PAK3: variants seen among roughly 807,000 people sequenced by gnomAD.
PAK3 encodes serine/threonine-protein kinase PAK 3.
A neutral mutation model predicts 41.0 loss-of-function variants in PAK3; 4 were observed. The ratio of observed to expected loss-of-function variants is 0.10; its 90% confidence interval spans 0.05 to 0.22. The LOEUF (loss-of-function observed/expected upper bound fraction) is 0.22. Ranked by LOEUF, PAK3 falls within the 10% of genes least tolerant of loss-of-function variation. PAK3 has a pLI of 1.00. For missense variants in PAK3, 205 were observed against 409.9 expected, an observed-to-expected ratio of 0.50 and a Z score of 4.32; for synonymous variants, 146 against 139.6, an observed-to-expected ratio of 1.05 and a Z score of -0.32.
intron 11 of PAK3, among the ~76,000 whole-genome samples, chrX:111,176,965 C>A (rs868420267): frequency 3.1e-4 from 28 of 89,593 alleles, no homozygotes; most frequent in South Asian, 1.2e-3. Flanking sequence ...CTTTCTGGAC[C>A]AAAAAAAAAA....
chrX:111,006,666 A>G (rs1162482791), intron 1 of PAK3, among the ~76,000 whole-genome samples: 1 of 111,267 alleles, frequency 9.0e-6, no homozygotes, highest in Non-Finnish European at 1.9e-5. Context: ...CCTGCTATAG[A>G]TAGGTGAGAC....
At chrX:111,213,403 A>G (rs1296244613) in intron 16 of PAK3, among the ~76,000 whole-genome samples, 1 of 112,294 alleles carries the variant, frequency 8.9e-6, no homozygotes, top group Non-Finnish European at 1.9e-5. Flanking sequence ...TTTTGGATTC[A>G]TAAATGGAAT....
chrX:111,009,084 T>C (rs1317600203), intron 1 of PAK3, among the ~76,000 whole-genome samples: 1 of 111,164 alleles, frequency 9.0e-6, no homozygotes, highest in Non-Finnish European at 1.9e-5. Context: ...CATGAAGAAT[T>C]CAGTGACATT....
At chrX:111,188,300 C>G (rs2094531092) in intron 11 of PAK3, among the ~76,000 whole-genome samples, 1 of 110,094 alleles carries the variant, frequency 9.1e-6, no homozygotes, top group Non-Finnish European at 1.9e-5. Context: ...TTTTAGCCCT[C>G]AGGACAGTGG....
chrX:111,205,605 A>G (rs1370134874), intron 16 of PAK3, among the ~76,000 whole-genome samples: 1 of 111,282 alleles, frequency 9.0e-6, no homozygotes, highest in Non-Finnish European at 1.9e-5. Flanking sequence ...TGTATATGAG[A>G]CTTGGTAACT....
intron 13 of PAK3, among the ~76,000 whole-genome samples, chrX:111,193,724 C>T (rs770739939): frequency 9.2e-6 from 1 of 109,157 alleles, no homozygotes; most frequent in Non-Finnish European, 1.9e-5. Flanking sequence ...AACCTAAAGT[C>T]ATTCTGTGTT....
intron 6 of PAK3, among the ~76,000 whole-genome samples, chrX:111,145,771 T>C (rs761014296): frequency 8.9e-6 from 1 of 112,171 alleles, no homozygotes; most frequent in South Asian, 3.7e-4. Flanking sequence ...GCTGTTACCT[T>C]ATATCTTGTC....
At chrX:111,205,357 T>A (rs1017265762) in intron 16 of PAK3, among the ~76,000 whole-genome samples, 1 of 110,992 alleles carries the variant, frequency 9.0e-6, no homozygotes, top group Non-Finnish European at 1.9e-5. Flanking sequence ...AGTCCCTTAC[T>A]CTGATTCTGT....
chrX:111,027,468 C>T (rs1005669860), intron 1 of PAK3, among the ~76,000 whole-genome samples: 1 of 111,034 alleles, frequency 9.0e-6, no homozygotes, highest in East Asian at 2.8e-4. Context: ...AACAAATCAG[C>T]GAGAAAAAAA....
intron 1 of PAK3, among the ~76,000 whole-genome samples, chrX:111,029,555 A>G (rs2092316643): frequency 8.9e-6 from 1 of 112,017 alleles, no homozygotes; most frequent in South Asian, 3.8e-4. Context: ...GTCATGAGGA[A>G]GAGAAAATAC....
Position 111,081,638 on chromosome X carries a change from G to A in PAK3, c.-27-41439G>A, listed in dbSNP as rs187303016. ...AAAAAAGATAAGCATATGAGGTAAT[G>A]CATATTTTAATTAGGTCAGTTTAGC... On this transcript the variant is annotated intron_variant, in intron 1 of 14. Coordinates refer to the PAK3 transcript ENST00000425146. 1.3e-4 allele frequency among the ~76,000 whole-genome samples: 14 copies of A among 111,381 alleles called. No individual in the cohort carries two copies. In the East Asian group the frequency reaches 3.1e-3, roughly 25 times the overall value.
At chrX:111,022,285 C>T (rs919132333) in intron 1 of PAK3, among the ~76,000 whole-genome samples, 5 of 111,874 alleles carry the variant, frequency 4.5e-5, no homozygotes, top group South Asian at 3.7e-4. Context: ...GCAAAAGCAT[C>T]GGGTAACTTA....
intron 5 of PAK3, among the ~76,000 whole-genome samples, chrX:111,126,364 A>G (rs1269747077): frequency 9.0e-6 from 1 of 111,295 alleles, no homozygotes; most frequent in Non-Finnish European, 1.9e-5. Flanking sequence ...CCTTCCCGAT[A>G]TCATGATCTC....
At chrX:111,098,325 C>A (rs1265977718) in intron 3 of PAK3, among the ~76,000 whole-genome samples, 1 of 28,397 alleles carries the variant, frequency 3.5e-5, no homozygotes, top group Non-Finnish European at 7.5e-5. Context: ...AAGAAGGTGG[C>A]CAAGGCAAAA....
intron 1 of PAK3, among the ~76,000 whole-genome samples, chrX:111,075,895 G>A (rs983871770): frequency 4.4e-5 from 5 of 112,827 alleles, no homozygotes; most frequent in Non-Finnish European, 7.5e-5. Context: ...GCCCTGGCTG[G>A]TGGACATGGA....
chrX:110,988,319 G>C (rs949828040), intron 1 of PAK3, among the ~76,000 whole-genome samples: 8 of 112,045 alleles, frequency 7.1e-5, no homozygotes, highest in Non-Finnish European at 1.3e-4. Flanking sequence ...CAATTTAGTG[G>C]ATAGTGACCA....
At chrX:111,096,459 G>C (rs1478785798) in intron 1 of PAK3, 44 bp downstream of exon 1, 3 of 111,839 alleles carry the variant, frequency 2.7e-5, no homozygotes, top group African/African-American at 6.5e-5. Context: ...GCGGGGGAGG[G>C]GGTGGCTGTT....
chrX:111,079,300 T>A (rs1424047606), intron 1 of PAK3, among the ~76,000 whole-genome samples: 1 of 112,078 alleles, frequency 8.9e-6, no homozygotes, highest in African/African-American at 3.2e-5. Flanking sequence ...CTGACTCTTG[T>A]TAGAGGCTAA....
intron 8 of PAK3, among the ~76,000 whole-genome samples, chrX:111,155,402 G>A (rs111281994): frequency 4.2e-4 from 46 of 109,385 alleles, no homozygotes; most frequent in Non-Finnish European, 5.3e-4. Flanking sequence ...TTTGGAGGCT[G>A]AGGTGGGAGG....
Sources: allele counts gnomAD v4.1 joint callset (sites outside exome capture counted in the v4.1 genomes callset), GRCh38; gene constraint gnomAD v4.1.1; transcripts MANE v1.5; gene names NCBI Gene and HGNC (gene_info 2026-07-23, HGNC 2026-07-21).